The following HCN1 variants were observed in gnomAD, a reference collection of about 807,000 sequenced individuals.
HCN1 encodes potassium/sodium hyperpolarization-activated cyclic nucleotide-gated channel 1.
HCN1 carries 13 observed loss-of-function variants against 78.9 expected under a neutral mutation model. That is an observed-to-expected ratio of 0.16 (90% confidence interval 0.11 to 0.26). The LOEUF (loss-of-function observed/expected upper bound fraction) is 0.26. Among genes scored for constraint, HCN1 ranks in the 10% least tolerant of loss-of-function variants. The pLI is 1.00. For synonymous variants in HCN1, 552 were observed against 455.5 expected (o/e 1.21, Z -2.70); for missense variants, 810 against 1,154.3 (o/e 0.70, Z 4.32).
At chr5:45,371,766 A>AAT (rs1554020971) in intron 4 of HCN1, among the ~76,000 whole-genome samples, 18 of 140,740 alleles carry the variant, frequency 1.3e-4, no homozygotes, top group South Asian at 2.1e-4. Context: ...CAAAAAAAAA[A>AAT]ATATATATAT....
At chr5:45,406,353 G>A (rs956671347) in intron 3 of HCN1, among the ~76,000 whole-genome samples, 1 of 152,096 alleles carries the variant, frequency 6.6e-6, no homozygotes, top group African/African-American at 2.4e-5. Context: ...TTAATATAAA[G>A]CCAGCATAGA....
intron 2 of HCN1, among the ~76,000 whole-genome samples, chr5:45,638,034 A>G (rs915970480): frequency 6.6e-6 from 1 of 152,182 alleles, no homozygotes; most frequent in African/African-American, 2.4e-5. Flanking sequence ...GGCTTGGACT[A>G]GGATGGTGAT....
intron 6 of HCN1, among the ~76,000 whole-genome samples, chr5:45,303,154 C>A (rs926163618): frequency 1.3e-5 from 2 of 152,106 alleles, no homozygotes; most frequent in Admixed American, 6.6e-5. Context: ...ATGATTTTTG[C>A]AATTTCTGGG....
In HCN1 at chr5:45,294,623, G is replaced by T. The variant is rs151035487; in HGVS notation, c.1618+8976C>A. On this transcript the variant is annotated intron_variant, in intron 6 of 7. Transcript: ENST00000303230. ...AAACAAACTTTTCTTTAAAATCAAA[G>T]TATTGGTACAAAGGTATATTATTTG... 7.0e-4 allele frequency among the ~76,000 whole-genome samples: 106 copies of T among 151,990 alleles called. 1 individual carries two copies. In the East Asian group the frequency reaches 0.013, roughly 18 times the overall value.
At chr5:45,402,722 G>A (rs1739839790) in intron 3 of HCN1, among the ~76,000 whole-genome samples, 1 of 151,878 alleles carries the variant, frequency 6.6e-6, no homozygotes, top group Admixed American at 6.6e-5. Flanking sequence ...AATTCAGAAG[G>A]ATTAATGAAA....
chr5:45,533,404 G>T (rs896072955), intron 2 of HCN1, among the ~76,000 whole-genome samples: 1 of 152,050 alleles, frequency 6.6e-6, no homozygotes, highest in East Asian at 1.9e-4. Flanking sequence ...TAATAAGGCC[G>T]GTTCATGGCA....
At chr5:45,509,762 T>C (rs1561182772) in intron 2 of HCN1, among the ~76,000 whole-genome samples, 1 of 152,110 alleles carries the variant, frequency 6.6e-6, no homozygotes, top group Admixed American at 6.6e-5. Context: ...TATAACAAGA[T>C]GCAATTTAGA....
chr5:45,456,297 G>C (rs1741028391), intron 3 of HCN1, among the ~76,000 whole-genome samples: 1 of 151,746 alleles, frequency 6.6e-6, no homozygotes, highest in Non-Finnish European at 1.5e-5. Flanking sequence ...AACTGTATAA[G>C]GAAGACCACT....
At chr5:45,432,172 G>GTATTT (rs1740477106) in intron 3 of HCN1, among the ~76,000 whole-genome samples, 2 of 151,920 alleles carry the variant, frequency 1.3e-5, no homozygotes, top group South Asian at 4.1e-4. Flanking sequence ...GTATTCCTAG[G>GTATTT]TATTTTATTC....
intron 2 of HCN1, among the ~76,000 whole-genome samples, chr5:45,530,288 AAT>A (rs1742815194): frequency 6.6e-6 from 1 of 152,088 alleles, no homozygotes; most frequent in Non-Finnish European, 1.5e-5. Context: ...CTAAAACAAA[AAT>A]AAACAGAAGC....
intron 2 of HCN1, among the ~76,000 whole-genome samples, chr5:45,481,268 A>C (rs1437718999): frequency 6.6e-6 from 1 of 152,242 alleles, no homozygotes; most frequent in Non-Finnish European, 1.5e-5. Flanking sequence ...AACACCAACA[A>C]GGATGTATAT....
At chr5:45,416,621 C>A (rs112177159) in intron 3 of HCN1, among the ~76,000 whole-genome samples, 1 of 151,806 alleles carries the variant, frequency 6.6e-6, no homozygotes, top group Non-Finnish European at 1.5e-5. Flanking sequence ...TGAAGGCAAA[C>A]GCATAAATAC....
Position 45,694,164 on chromosome 5 carries a change from A to G in HCN1, c.425+1505T>C, listed in dbSNP as rs148483842. ...TGATTATTTATTACATCTTTTTAAT[A>G]TGAACATTTTCTTTTTTTTAAAATT... On this transcript the variant is annotated intron_variant, in intron 1 of 7. Coordinates refer to ENST00000303230, the MANE Select transcript of HCN1 (RefSeq NM_021072.4). Among the ~76,000 whole-genome samples, 7 of 152,338 alleles carry G rather than the reference A, an allele frequency of 4.6e-5. No individual in the cohort carries two copies. The East Asian group carries it at 1.3e-3, about 29-fold the overall frequency.
intron 2 of HCN1, among the ~76,000 whole-genome samples, chr5:45,552,450 A>G (rs968597860): frequency 6.6e-6 from 1 of 151,952 alleles, no homozygotes; most frequent in African/African-American, 2.4e-5. Flanking sequence ...GGAACAAAAA[A>G]CTTATCATGT....
chr5:45,458,777 C>G (rs958803368), intron 3 of HCN1, among the ~76,000 whole-genome samples: 1 of 151,958 alleles, frequency 6.6e-6, no homozygotes, highest in African/African-American at 2.4e-5. Flanking sequence ...GTTTTTCTAG[C>G]CAAAAAGTGG....
intron 1 of HCN1, among the ~76,000 whole-genome samples, chr5:45,671,608 T>C (rs992258254): frequency 6.6e-5 from 10 of 151,410 alleles, no homozygotes; most frequent in African/African-American, 2.4e-4. Context: ...CTTTGATGAC[T>C]AGCAGTCCTT....
intron 2 of HCN1, among the ~76,000 whole-genome samples, chr5:45,546,623 A>T (rs1020938285): frequency 1.4e-4 from 22 of 151,736 alleles, no homozygotes; most frequent in Admixed American, 1.1e-3. Context: ...ATTCAAATAA[A>T]ATTTCCTCCA....
At chr5:45,531,625 T>C (rs1742852578) in intron 2 of HCN1, among the ~76,000 whole-genome samples, 1 of 152,210 alleles carries the variant, frequency 6.6e-6, no homozygotes, top group African/African-American at 2.4e-5. Flanking sequence ...TCAGCCACAC[T>C]TGCCAGTACC....
chr5:45,578,761 T>C (rs1743997913), intron 2 of HCN1, among the ~76,000 whole-genome samples: 1 of 152,088 alleles, frequency 6.6e-6, no homozygotes, highest in Non-Finnish European at 1.5e-5. Context: ...CAGCCGAAGT[T>C]ACACAGTTAA....
Sources: gnomAD v4.1 joint callset for allele counts (sites outside exome capture counted in the v4.1 genomes callset) on GRCh38, gnomAD v4.1.1 for gene constraint, MANE v1.5 for transcripts, NCBI Gene and HGNC (gene_info 2026-07-23, HGNC 2026-07-21) for gene names.